STARD9: variants seen among roughly 807,000 people sequenced by gnomAD.
The protein encoded by STARD9 is stAR-related lipid transfer protein 9.
In STARD9, 346 loss-of-function variants were observed where a neutral mutation model predicts 399.8. That is an observed-to-expected ratio of 0.87 (90% CI 0.79 to 0.95). The LOEUF is 0.95. STARD9 is among the 40% of genes least tolerant of loss of function. The pLI, the probability that STARD9 is intolerant of heterozygous loss-of-function variation, is 0.00. For synonymous variants in STARD9, 2,203 were observed against 2,143.5 expected (o/e 1.03, Z -0.77); for missense variants, 5,832 against 5,667.5 (o/e 1.03, Z -0.93).
chr15:42,605,692 T>G (rs1001437751), intron 3 of STARD9, among the ~76,000 whole-genome samples: 14 of 152,228 alleles, frequency 9.2e-5, no homozygotes, highest in Non-Finnish European at 1.5e-4. Flanking sequence ...TACAGCTGCG[T>G]TCTGGGGATA....
Position 42,674,586 on chromosome 15 carries a change from G to A in STARD9, c.1549+95G>A. 1.6e-5 allele frequency: 21 copies of A among 1,308,716 alleles called. No homozygotes were observed. The South Asian group carries it at 2.6e-4, about 16-fold the overall frequency. The allele number at this position is 1,308,716 out of a possible 1,614,324, so 81.1% of individuals were successfully genotyped here. On this transcript the variant is annotated intron_variant, in intron 17 of 32. Coordinates refer to ENST00000290607, the MANE Select transcript of STARD9 (RefSeq NM_020759.3). The stretch of plus-strand genomic sequence containing the variant: ...CTTTGATGATGCTCTGAGAAGAAGG[G>A]AATCATTGGCGTATTCAGGGCCTGC...
rs2059780900 is a variant in STARD9 at position 42,652,430 on chromosome 15, C to T, written c.630-90C>T. The T allele has an allele frequency of 8.5e-6, 9 of 1,054,846 alleles. No homozygotes were observed. The South Asian group carries it at 1.1e-4, about 13-fold the overall frequency. The allele number at this position is 1,054,846 out of a possible 1,614,324, so 65.3% of individuals were successfully genotyped here. A position where few individuals can be genotyped will look rare whatever the true frequency, so the allele number is the denominator to read the frequency against. On this transcript the variant is annotated intron_variant, in intron 8 of 32. Coordinates refer to ENST00000290607, the MANE Select transcript of STARD9 (RefSeq NM_020759.3). ...TATGATTCTTGTCGGTGAACCTCAG[C>T]ACTAACATTTCTTGTATTCTGTATG... is the stretch of plus-strand genomic sequence containing the variant.
chr15:42,645,659 A>C (rs1330429722), intron 7 of STARD9, among the ~76,000 whole-genome samples: 1 of 150,162 alleles, frequency 6.7e-6, no homozygotes, highest in Non-Finnish European at 1.5e-5. Flanking sequence ...TCAACTTCCC[A>C]GGCTCATGTG....
At chr15:42,604,742 C>G (rs1230546559) in intron 3 of STARD9, among the ~76,000 whole-genome samples, 1 of 142,950 alleles carries the variant, frequency 7.0e-6, no homozygotes, top group African/African-American at 2.6e-5. Flanking sequence ...CTCCTGGGCT[C>G]AAGCAATCCT....
intron 11 of STARD9, 82 bp downstream of exon 11, chr15:42,662,973 A>G (rs2060019210): frequency 3.8e-6 from 4 of 1,065,390 alleles, no homozygotes; most frequent in African/African-American, 1.6e-5. Flanking sequence ...TAGGGTAGAC[A>G]CAGGGTTCCT....
intron 9 of STARD9, among the ~76,000 whole-genome samples, chr15:42,656,774 G>T (rs553318478): frequency 6.6e-6 from 1 of 152,154 alleles, no homozygotes; most frequent in South Asian, 2.1e-4. Flanking sequence ...TAAACTATGA[G>T]GACACAAAGG....
rs2061430173 is a variant in STARD9, at chr15:42,720,426, A to T, written c.*852A>T. 6.6e-6 allele frequency: 1 copy of T among 152,254 alleles called. No homozygotes were observed. Among genetic ancestry groups the T allele is most frequent in the African/African-American group, 2.4e-5 (1 of 41,428 alleles). 9.4% of individuals were successfully genotyped at this position (152,254 alleles called of 1,614,324 possible). On this transcript the variant is annotated 3_prime_UTR_variant, in exon 33 of 33. Transcript: ENST00000290607. ...CATTGTCCTTTGAGGAAGGGAGAGG[A>T]GGTGAATGAACTCCCAGAGGAGGTG...
At chr15:42,681,911 G>C (rs2060438670) in intron 21 of STARD9, among the ~76,000 whole-genome samples, 193 bp from the exon 22 acceptor site, 1 of 152,058 alleles carries the variant, frequency 6.6e-6, no homozygotes, top group African/African-American at 2.4e-5. Flanking sequence ...GCTGTGCTGA[G>C]TCCTGAGGGT....
intron 3 of STARD9, among the ~76,000 whole-genome samples, chr15:42,592,184 T>A (rs1162672009): frequency 6.6e-6 from 1 of 152,224 alleles, no homozygotes; most frequent in East Asian, 1.9e-4. Flanking sequence ...AGAGAAGTTA[T>A]ATGATCTGCC....
chr15:42,611,211 A>C (rs954550295), intron 3 of STARD9, among the ~76,000 whole-genome samples: 1 of 152,232 alleles, frequency 6.6e-6, no homozygotes, highest in Admixed American at 6.5e-5. Flanking sequence ...AGCCATGTCC[A>C]TTAGTTTATG....
In STARD9 at chr15:42,663,838, C is replaced by G; in HGVS notation, c.1097C>G (p.Thr366Ser). 1 of 1,536,680 alleles carries G rather than the reference C, an allele frequency of 6.5e-7. No individual in the cohort carries two copies. The highest frequency in any genetic ancestry group is 8.7e-7 in the Non-Finnish European group (1 of 1,146,382). ...ACCTCAGCGGTGTCTCCTGCACACACTAGCTACAGTGAGACCATGAGCACA... is the reference window on the plus strand; with the variant it reads ...ACCTCAGCGGTGTCTCCTGCACACAGTAGCTACAGTGAGACCATGAGCACA... ...IMVATVSPAH[T>S]SYSETMSTLR... Residue 366 changes from threonine (T) to serine (S), a missense_variant, in exon 13 of 33, where the codon ACT becomes AGT. Physicochemically the swap from Thr to Ser is moderately conservative, Grantham distance 58. Transcript: ENST00000290607.
chr15:42,702,941 T>C (rs1194053018), intron 26 of STARD9, among the ~76,000 whole-genome samples: 2 of 152,170 alleles, frequency 1.3e-5, no homozygotes, highest in South Asian at 2.1e-4. Flanking sequence ...GCTTGTTTTC[T>C]TTTTTAAAAA....
At position 42,686,755 on chromosome 15, in the gene STARD9, A is replaced by G. The variant is rs990185002; in HGVS notation, c.5177A>G (p.Tyr1726Cys). The G allele has an allele frequency of 7.2e-6, 11 of 1,537,370 alleles. No homozygotes were observed. In the Admixed American group the frequency reaches 1.4e-4, roughly 19 times the overall value. Residue 1726 changes from tyrosine to cysteine, a missense_variant, in exon 23 of 33, where the codon TAC (tyrosine) becomes TGC (cysteine). By Grantham distance (194) the Tyr-to-Cys change is radical. This residue lies in a region of STARD9 where 5,828 missense variants were observed against 5,651.1 expected (regional missense o/e 1.03). Transcript: ENST00000290607. Reference protein sequence around the residue: ...SFALPSGPELYLHSAPWNPLS... With the variant: ...SFALPSGPELCLHSAPWNPLS... The stretch of plus-strand genomic sequence containing the variant: ...GCCCTTCCTTCAGGTCCAGAGCTAT[A>G]CCTTCACTCTGCTCCCTGGAATCCA...
chr15:42,589,992 G>C (rs1157226958), intron 3 of STARD9, among the ~76,000 whole-genome samples: 2 of 128,976 alleles, frequency 1.6e-5, no homozygotes, highest in African/African-American at 6.1e-5. Context: ...ACCGGGTCTC[G>C]CTCTGTCACT....
In STARD9 at chr15:42,684,116, C is replaced by G. The variant is rs1289685155; in HGVS notation, c.2538C>G (p.Ser846Arg). Residue 846 changes from serine (S) to arginine (R), a missense_variant and splice_region_variant, in exon 23 of 33, where the codon AGC becomes AGG. Ser to Arg is a moderately radical substitution (Grantham distance 110, BLOSUM62 -1). This residue lies in a region of STARD9 where 5,828 missense variants were observed against 5,651.1 expected (regional missense o/e 1.03). Coordinates refer to ENST00000290607, the MANE Select transcript of STARD9 (RefSeq NM_020759.3). ...LCSKHMPQLH[S>R]IFLSWDPSTT... ...GAGATAGCTTTCCTTGTCTTCACAG[C>G]ATTTTCCTAAGTTGGGATCCCTCTA... 16 of 1,522,618 alleles carry G rather than the reference C, an allele frequency of 1.1e-5. No homozygotes were observed. Among genetic ancestry groups the G allele is most frequent in the Non-Finnish European group, 1.4e-5 (16 of 1,136,296 alleles). 94.3% of individuals were successfully genotyped at this position (1,522,618 alleles called of 1,614,324 possible).
intron 3 of STARD9, among the ~76,000 whole-genome samples, chr15:42,630,967 C>G (rs770763589): frequency 6.7e-6 from 1 of 149,172 alleles, no homozygotes; most frequent in African/African-American, 2.5e-5. Flanking sequence ...TTGATTCGCT[C>G]TTACTTTTCT....
At position 42,669,138 on chromosome 15, in the gene STARD9, C is replaced by T. The variant is rs2060158023; in HGVS notation, c.1318-20C>T. 2.0e-6 allele frequency: 3 copies of T among 1,508,704 alleles called. No homozygotes were observed. The highest frequency in any genetic ancestry group is 2.7e-6 in the Non-Finnish European group (3 of 1,124,218). The allele number at this position is 1,508,704 out of a possible 1,614,324, so 93.5% of individuals were successfully genotyped here. A position where few individuals can be genotyped will look rare whatever the true frequency, so the allele number is the denominator to read the frequency against. Reference sequence around the variant, plus strand: ...GTTCCCCATGCTGAGTGTCTCAGATCACCTCCTATACCTCTGCAGATAGAC... The same window carrying T: ...GTTCCCCATGCTGAGTGTCTCAGATTACCTCCTATACCTCTGCAGATAGAC... On this transcript the variant is annotated intron_variant, in intron 15 of 32. Transcript: ENST00000290607.
chr15:42,579,455 TTAAAAA>T (rs2058123936), intron 1 of STARD9, among the ~76,000 whole-genome samples: 3 of 152,204 alleles, frequency 2.0e-5, no homozygotes, highest in Non-Finnish European at 4.4e-5. Context: ...TGTAGTCATC[TTAAAAA>T]TAAAAGGTCA....
chr15:42,687,111 G>C lies in STARD9; in HGVS notation c.5533G>C (p.Asp1845His). The C allele has an allele frequency of 6.5e-7, 1 of 1,537,238 alleles. No homozygotes were observed. The highest frequency in any genetic ancestry group is 1.2e-5 in the South Asian group (1 of 84,048). Reference sequence around the variant, plus strand: ...TGGAAATATTACAGAAGAAAGCCATGATTCAGTTTATTCTTCTGTTACTCA... The same window carrying C: ...TGGAAATATTACAGAAGAAAGCCATCATTCAGTTTATTCTTCTGTTACTCA... ...CPGNITEESH[D>H]SVYSSVTQNR... The change falls in exon 23 of 33, where the codon GAT (aspartate) becomes CAT (histidine). Residue 1845 changes from aspartate (D) to histidine (H), a missense_variant. Asp to His is a moderately conservative substitution (Grantham distance 81, BLOSUM62 -1). Coordinates refer to ENST00000290607, the MANE Select transcript of STARD9 (RefSeq NM_020759.3).
Sources: allele counts gnomAD v4.1 joint callset (sites outside exome capture counted in the v4.1 genomes callset), GRCh38; gene constraint gnomAD v4.1.1; regional missense constraint gnomAD v4.1.1; transcripts MANE v1.5; gene names NCBI Gene and HGNC (gene_info 2026-07-23, HGNC 2026-07-21).